Variants in CFAP299 observed in about 807,000 individuals in gnomAD.
The protein encoded by CFAP299 is cilia- and flagella-associated protein 299.
In CFAP299, 21 loss-of-function variants were observed where a neutral mutation model predicts 27.0. The ratio of observed to expected loss-of-function variants is 0.78; its 90% CI spans 0.55 to 1.12. The LOEUF (loss-of-function observed/expected upper bound fraction) is 1.12. CFAP299 is among the 50% of genes most tolerant of loss of function. CFAP299 has a pLI of 0.00. For synonymous variants in CFAP299, 104 were observed against 98.1 expected, an observed-to-expected ratio of 1.06 and a Z score of -0.36; for missense variants, 310 against 276.6, an observed-to-expected ratio of 1.12 and a Z score of -0.86.
intron 3 of CFAP299, among the ~76,000 whole-genome samples, chr4:80,807,879 G>C (rs1486664924): frequency 6.6e-6 from 1 of 151,930 alleles, no homozygotes; most frequent in African/African-American, 2.4e-5. Context: ...TAATTAAAGG[G>C]CAGGGAGGAG....
At chr4:80,421,120 C>T (rs1578423960) in intron 2 of CFAP299, among the ~76,000 whole-genome samples, 1 of 152,288 alleles carries the variant, frequency 6.6e-6, no homozygotes, top group Non-Finnish European at 1.5e-5. Context: ...AGCTGAAACA[C>T]TTCACGTGGC....
At chr4:80,734,935 G>T (rs1560724139) in intron 3 of CFAP299, among the ~76,000 whole-genome samples, 1 of 152,024 alleles carries the variant, frequency 6.6e-6, no homozygotes, top group Non-Finnish European at 1.5e-5. Flanking sequence ...GCTATTCTGG[G>T]TTATTTGTGA....
intron 3 of CFAP299, among the ~76,000 whole-genome samples, chr4:80,593,063 A>G (rs903917974): frequency 6.6e-6 from 1 of 152,104 alleles, no homozygotes; most frequent in African/African-American, 2.4e-5. Flanking sequence ...CCTTTTTCCC[A>G]CTATTTTGTC....
intron 3 of CFAP299, among the ~76,000 whole-genome samples, chr4:80,815,807 A>C (rs763996515): frequency 1.2e-4 from 18 of 152,010 alleles, no homozygotes; most frequent in Non-Finnish European, 1.8e-4. Flanking sequence ...CGTATGTATA[A>C]AATTGAATGC....
At chr4:80,534,545 C>CT (rs1209598851) in intron 2 of CFAP299, among the ~76,000 whole-genome samples, 8 of 151,916 alleles carry the variant, frequency 5.3e-5, no homozygotes, top group Non-Finnish European at 7.4e-5. Flanking sequence ...AAAAAATTTA[C>CT]TTTTGTTTCA....
At chr4:80,831,326 A>C (rs1019862104) in intron 3 of CFAP299, among the ~76,000 whole-genome samples, 1 of 152,158 alleles carries the variant, frequency 6.6e-6, no homozygotes, top group African/African-American at 2.4e-5. Context: ...ATGGAAGTTA[A>C]TTCTATTATC....
At chr4:80,601,419 G>C (rs1385408966) in intron 3 of CFAP299, among the ~76,000 whole-genome samples, 1 of 152,078 alleles carries the variant, frequency 6.6e-6, no homozygotes, top group Non-Finnish European at 1.5e-5. Context: ...AATAAATGCT[G>C]TTAGAGTTTG....
chr4:80,440,825 G>A (rs560691980), intron 2 of CFAP299, among the ~76,000 whole-genome samples: 23 of 152,168 alleles, frequency 1.5e-4, no homozygotes, highest in Non-Finnish European at 3.1e-4. Flanking sequence ...AGGGTTACAG[G>A]AATGGCTAAC....
At chr4:80,380,563 G>C (rs1038223841) in intron 2 of CFAP299, among the ~76,000 whole-genome samples, 1 of 151,546 alleles carries the variant, frequency 6.6e-6, no homozygotes, top group Non-Finnish European at 1.5e-5. Context: ...TAATAGCTGG[G>C]GTTACAGGTG....
chr4:80,782,133 T>A (rs1726915733), intron 3 of CFAP299, among the ~76,000 whole-genome samples: 1 of 152,122 alleles, frequency 6.6e-6, no homozygotes, highest in Non-Finnish European at 1.5e-5. Flanking sequence ...GAATTTCTTT[T>A]TTTTTGGCTG....
At chr4:80,830,233 T>A (rs1196659352) in intron 3 of CFAP299, among the ~76,000 whole-genome samples, 1 of 151,920 alleles carries the variant, frequency 6.6e-6, no homozygotes, top group East Asian at 1.9e-4. Flanking sequence ...ATCATCCAGA[T>A]CCCCATACCT....
Position 80,535,344 on chromosome 4 carries a change from A to AT in CFAP299, c.243-47749_243-47748insT, listed in dbSNP as rs775384992. ...TTTCACACTAGAACTGAAGAGCTTC[A>AT]ATTAGCCGGGCGTAGTGGCGGGCGC... On this transcript the variant is annotated intron_variant, in intron 2 of 5. Transcript: ENST00000358105. 2.9e-3 allele frequency among the ~76,000 whole-genome samples: 382 copies of AT among 132,884 alleles called. 14 individuals carry two copies. The highest frequency in any genetic ancestry group is 7.4e-3 in the Middle Eastern group (2 of 270). The allele number at this position is 132,884 out of a possible 152,430, so 87.2% of individuals were successfully genotyped here.
intron 2 of CFAP299, among the ~76,000 whole-genome samples, chr4:80,513,294 G>C (rs1159319721): frequency 6.6e-6 from 1 of 152,136 alleles, no homozygotes; most frequent in African/African-American, 2.4e-5. Context: ...GCCACAAGTA[G>C]TGGTAAAAAT....
At chr4:80,687,892 A>C (rs531555157) in intron 3 of CFAP299, among the ~76,000 whole-genome samples, 1 of 152,232 alleles carries the variant, frequency 6.6e-6, no homozygotes, top group African/African-American at 2.4e-5. Flanking sequence ...CAGGGGGGTC[A>C]GGGAGTTCCC....
At position 80,380,422 on chromosome 4, in the gene CFAP299, A is replaced by ATTTT. The variant is rs10701207; in HGVS notation, c.242+17559_242+17562dup. ...GAATATTATTTAGATTGTGTCTCAC[A>ATTTT]TTTTTTTTTTTTTTTTTTTTTTTTA... On this transcript the variant is annotated intron_variant, in intron 2 of 5. Coordinates refer to ENST00000358105, the MANE Select transcript of CFAP299 (RefSeq NM_152770.3). Among the ~76,000 whole-genome samples, 84 of 96,122 alleles carry ATTTT rather than the reference A, an allele frequency of 8.7e-4. 1 individual carries two copies. The highest frequency in any genetic ancestry group is 1.0e-3 in the African/African-American group (25 of 24,902). The allele number at this position is 96,122 out of a possible 152,430, so 63.1% of individuals were successfully genotyped here.
chr4:80,577,733 T>C (rs1735945863), intron 2 of CFAP299, among the ~76,000 whole-genome samples: 1 of 152,214 alleles, frequency 6.6e-6, no homozygotes, highest in East Asian at 1.9e-4. Flanking sequence ...TCAAACTTTG[T>C]TTGTTAGAAC....
In CFAP299 at chr4:80,408,884, T is replaced by C. The variant is rs1726567511; in HGVS notation, c.242+46000T>C. Among the ~76,000 whole-genome samples, 4 of 152,012 alleles carry C rather than the reference T, an allele frequency of 2.6e-5. No individual in the cohort carries two copies. In the South Asian group the frequency reaches 8.3e-4, roughly 32 times the overall value. ...ACGTTTTTATTTTTATATCTTTGAG[T>C]TTCTGCATTCCTAAGGAATAAAATG... On this transcript the variant is annotated intron_variant, in intron 2 of 5. Coordinates refer to ENST00000358105, the MANE Select transcript of CFAP299 (RefSeq NM_152770.3).
At chr4:80,627,485 G>A (rs1738970645) in intron 3 of CFAP299, among the ~76,000 whole-genome samples, 1 of 151,936 alleles carries the variant, frequency 6.6e-6, no homozygotes, top group Non-Finnish European at 1.5e-5. Context: ...GGATGTGCTA[G>A]CCAGAGCAAT....
chr4:80,866,676 C>T (rs931668457), intron 3 of CFAP299, among the ~76,000 whole-genome samples: 5 of 152,026 alleles, frequency 3.3e-5, no homozygotes, highest in Non-Finnish European at 5.9e-5. Flanking sequence ...TAGAGGGACC[C>T]GCACTTATAG....
Sources: allele counts gnomAD v4.1 joint callset (sites outside exome capture counted in the v4.1 genomes callset), GRCh38; gene constraint gnomAD v4.1.1; transcripts MANE v1.5; gene names NCBI Gene and HGNC (gene_info 2026-07-23, HGNC 2026-07-21).